The following HRH1 variants were observed in gnomAD, a reference collection of about 807,000 sequenced individuals.
HRH1 encodes histamine H1 receptor.
Under a neutral mutation model 10.3 loss-of-function variants are expected in HRH1, and 6 were observed. That is an observed-to-expected ratio of 0.58 (90% CI 0.32 to 1.15). The LOEUF (loss-of-function observed/expected upper bound fraction) is 1.15, where lower values mean the gene tolerates loss of function less well. HRH1 is among the 50% of genes most tolerant of loss of function. The probability of loss-of-function intolerance (pLI) is 0.05; values close to 1 mark genes in which losing one functional copy is unlikely to be tolerated. For synonymous variants in HRH1, 242 were observed against 236.7 expected (o/e 1.02, Z -0.21); for missense variants, 514 against 615.3 (o/e 0.84, Z 1.74).
intron 1 of HRH1, among the ~76,000 whole-genome samples, chr3:11,143,868 C>A (rs1232404307): frequency 6.6e-6 from 1 of 152,146 alleles, no homozygotes; most frequent in Non-Finnish European, 1.5e-5. Context: ...TAGGTATCTT[C>A]AAGCTCCATC....
chr3:11,156,034 G>A (rs535259418), intron 1 of HRH1, among the ~76,000 whole-genome samples: 1 of 152,268 alleles, frequency 6.6e-6, no homozygotes, highest in South Asian at 2.1e-4. Flanking sequence ...TGAAACTGAG[G>A]TGGCAGATGG....
At position 11,260,576 on chromosome 3, in the gene HRH1, G is replaced by A; in HGVS notation, c.*75G>A. On this transcript the variant is annotated 3_prime_UTR_variant, in exon 2 of 2. Transcript: ENST00000431010. ...GGAAATAGAGGACGAAGGCCTGTGT[G>A]TTGCCAGGCAGGCACCTGGGCTTTC... is the stretch of plus-strand genomic sequence containing the variant. The A allele has an allele frequency of 7.1e-7, 1 of 1,406,376 alleles. No individual in the cohort carries two copies. 87.1% of individuals were successfully genotyped at this position (1,406,376 alleles called of 1,614,324 possible). A position where few individuals can be genotyped will look rare whatever the true frequency, so the allele number is the denominator to read the frequency against.
chr3:11,187,165 G>T (rs1364516100), intron 1 of HRH1, among the ~76,000 whole-genome samples: 1 of 152,124 alleles, frequency 6.6e-6, no homozygotes, highest in Non-Finnish European at 1.5e-5. Context: ...AGGATCGTAA[G>T]TGTGAGCCCT....
chr3:11,235,514 C>T (rs1464641212), intron 1 of HRH1, among the ~76,000 whole-genome samples: 1 of 152,096 alleles, frequency 6.6e-6, no homozygotes, highest in Non-Finnish European at 1.5e-5. Flanking sequence ...CTCCATCTCC[C>T]CACTAGGCCT....
At chr3:11,237,769 A>G (rs1419934137) in intron 1 of HRH1, among the ~76,000 whole-genome samples, 2 of 137,038 alleles carry the variant, frequency 1.5e-5, no homozygotes, top group East Asian at 4.6e-4. Flanking sequence ...TCTACCTCCC[A>G]GGTTCAAGCA....
chr3:11,184,840 C>A (rs1241716990), intron 1 of HRH1, among the ~76,000 whole-genome samples: 1 of 150,762 alleles, frequency 6.6e-6, no homozygotes, highest in Non-Finnish European at 1.5e-5. Context: ...ATCACTTGAA[C>A]CTGGGAGGCA....
chr3:11,187,463 C>G (rs1343134857), intron 1 of HRH1, among the ~76,000 whole-genome samples: 1 of 151,864 alleles, frequency 6.6e-6, no homozygotes, highest in Non-Finnish European at 1.5e-5. Context: ...AACACATGAC[C>G]TTGCACAGAC....
At chr3:11,209,393 C>T (rs1310499679) in intron 1 of HRH1, among the ~76,000 whole-genome samples, 1 of 152,176 alleles carries the variant, frequency 6.6e-6, no homozygotes. Context: ...GGGCATGAGC[C>T]ACCGCACCTA....
At chr3:11,241,437 T>TTCTGTCTTTC (rs770824822) in intron 1 of HRH1, among the ~76,000 whole-genome samples, 7 of 152,098 alleles carry the variant, frequency 4.6e-5, no homozygotes, top group Non-Finnish European at 8.8e-5. Context: ...TGGAGAACTT[T>TTCTGTCTTTC]TCTGTCTTAC....
At chr3:11,253,615 T>A (rs1034997071) in intron 1 of HRH1, among the ~76,000 whole-genome samples, 7 of 152,186 alleles carry the variant, frequency 4.6e-5, no homozygotes, top group African/African-American at 1.4e-4. Flanking sequence ...GGGCACTAAT[T>A]CTCAAATTCC....
chr3:11,255,211 C>T (rs1248705558), intron 1 of HRH1, among the ~76,000 whole-genome samples: 1 of 152,142 alleles, frequency 6.6e-6, no homozygotes, highest in Non-Finnish European at 1.5e-5. Flanking sequence ...CGCCATTGCA[C>T]TCCAGCTTGG....
At chr3:11,199,259 G>A (rs1937803375) in intron 1 of HRH1, among the ~76,000 whole-genome samples, 1 of 152,126 alleles carries the variant, frequency 6.6e-6, no homozygotes, top group African/African-American at 2.4e-5. Flanking sequence ...TAAGCAGCTT[G>A]CCTGTGGTTG....
intron 1 of HRH1, among the ~76,000 whole-genome samples, chr3:11,248,785 A>T (rs985566976): frequency 3.9e-5 from 6 of 152,214 alleles, no homozygotes; most frequent in Admixed American, 3.3e-4. Flanking sequence ...ACTTCAGGGA[A>T]CAGCAGTGGA....
intron 1 of HRH1, among the ~76,000 whole-genome samples, chr3:11,170,611 C>T (rs913467039): frequency 3.3e-5 from 5 of 152,200 alleles, no homozygotes; most frequent in South Asian, 2.1e-4. Flanking sequence ...GGGACATGCT[C>T]GGAGTCACAC....
At chr3:11,141,441 A>G (rs1201693002) in intron 1 of HRH1, among the ~76,000 whole-genome samples, 1 of 152,214 alleles carries the variant, frequency 6.6e-6, no homozygotes, top group Admixed American at 6.5e-5. Flanking sequence ...GGAGCAGCTT[A>G]GCTGGGCAGT....
chr3:11,217,159 C>G (rs1442757841), intron 1 of HRH1, among the ~76,000 whole-genome samples: 1 of 150,750 alleles, frequency 6.6e-6, no homozygotes, highest in Non-Finnish European at 1.5e-5. Context: ...GCACCCCAGC[C>G]TGGGCAACAG....
intron 1 of HRH1, among the ~76,000 whole-genome samples, chr3:11,167,282 CAT>C (rs1274637116): frequency 4.0e-4 from 42 of 104,490 alleles, no homozygotes; most frequent in African/African-American, 8.7e-4. Context: ...CTGTCCCCTG[CAT>C]TCTCCAGGCC....
chr3:11,143,699 C>G (rs1488439), intron 1 of HRH1, among the ~76,000 whole-genome samples: 1 of 152,114 alleles, frequency 6.6e-6, no homozygotes, highest in South Asian at 2.1e-4. Context: ...GATGAGTCTG[C>G]CTGGTAGACT....
intron 1 of HRH1, among the ~76,000 whole-genome samples, chr3:11,211,870 G>A (rs547577816): frequency 6.6e-6 from 1 of 152,324 alleles, no homozygotes; most frequent in South Asian, 2.1e-4. Flanking sequence ...TTGGAGAAGC[G>A]TTTCTTAGAC....
Sources: gnomAD v4.1 joint callset for allele counts (sites outside exome capture counted in the v4.1 genomes callset) on GRCh38, gnomAD v4.1.1 for gene constraint, MANE v1.5 for transcripts, NCBI Gene and HGNC (gene_info 2026-07-23, HGNC 2026-07-21) for gene names.